The following GLI3 variants were observed in gnomAD, a reference collection of about 807,000 sequenced individuals.
GLI3 encodes GLI family zinc finger 3.
A neutral mutation model predicts 100.8 loss-of-function variants in GLI3; 20 were observed. The ratio of observed to expected loss-of-function variants is 0.20; its 90% CI spans 0.14 to 0.29. The LOEUF (loss-of-function observed/expected upper bound fraction) is 0.29. GLI3 is among the 10% of genes least tolerant of loss of function. The probability of loss-of-function intolerance (pLI) is 1.00; values close to 1 mark genes in which losing one functional copy is unlikely to be tolerated. For synonymous variants in GLI3, 938 were observed against 860.5 expected (o/e 1.09, Z -1.58); for missense variants, 2,040 against 2,128.5 (o/e 0.96, Z 0.82).
chr7:41,981,724 G>A (rs933571643), intron 10 of GLI3, among the ~76,000 whole-genome samples: 4 of 152,308 alleles, frequency 2.6e-5, no homozygotes, highest in East Asian at 1.9e-4. Flanking sequence ...GAGATTGGAC[G>A]TTTAAATTGG....
chr7:42,198,451 G>A lies in GLI3; in HGVS notation c.124+24679C>T, dbSNP rs1370024962. 2.6e-5 allele frequency among the ~76,000 whole-genome samples: 4 copies of A among 152,262 alleles called. No homozygotes were observed. The East Asian group carries it at 7.7e-4, about 29-fold the overall frequency. On this transcript the variant is annotated intron_variant, in intron 2 of 14. Transcript: ENST00000395925. ...TTTCCCAACTCCACTGCTTGCCTGA[G>A]GAGCCGTCCTGAGATCTCCGTTGCA... is the stretch of plus-strand genomic sequence containing the variant.
At chr7:42,171,660 G>C (rs1787375437) in intron 2 of GLI3, among the ~76,000 whole-genome samples, 1 of 152,204 alleles carries the variant, frequency 6.6e-6, no homozygotes, top group African/African-American at 2.4e-5. Flanking sequence ...AAGGCCCTGG[G>C]ACTTGCAGCT....
At chr7:42,039,979 G>A in intron 7 of GLI3, 59 bp downstream of exon 7, 1 of 1,277,728 alleles carries the variant, frequency 7.8e-7, no homozygotes, top group Non-Finnish European at 1.1e-6. Flanking sequence ...CACTACAGGT[G>A]CAAACAAGTG....
intron 2 of GLI3, among the ~76,000 whole-genome samples, chr7:42,182,314 G>A (rs988754459): frequency 4.0e-5 from 6 of 151,806 alleles, no homozygotes; most frequent in African/African-American, 9.7e-5. Flanking sequence ...ACCATGTTGC[G>A]CAGGACAGCT....
At chr7:42,157,706 G>C (rs967925993) in intron 2 of GLI3, among the ~76,000 whole-genome samples, 1 of 151,516 alleles carries the variant, frequency 6.6e-6, no homozygotes, top group African/African-American at 2.4e-5. Flanking sequence ...AAGCTGATTT[G>C]TTTGTCTTTT....
intron 10 of GLI3, among the ~76,000 whole-genome samples, chr7:42,017,781 C>T (rs550408560): frequency 2.0e-5 from 3 of 152,206 alleles, no homozygotes; most frequent in East Asian, 3.9e-4. Context: ...CCACAGAAAC[C>T]GACAGTGCCA....
At chr7:42,199,216 C>T (rs915915145) in intron 2 of GLI3, among the ~76,000 whole-genome samples, 4 of 152,186 alleles carry the variant, frequency 2.6e-5, no homozygotes, top group African/African-American at 9.7e-5. Context: ...AGCTGGGTTA[C>T]TAACATTTCT....
chr7:42,178,168 C>T (rs1787517799), intron 2 of GLI3, among the ~76,000 whole-genome samples: 1 of 152,202 alleles, frequency 6.6e-6, no homozygotes, highest in Non-Finnish European at 1.5e-5. Flanking sequence ...AACAAATGTC[C>T]ACACACTCAA....
intron 10 of GLI3, among the ~76,000 whole-genome samples, chr7:41,985,491 C>T (rs2128715510): frequency 6.6e-6 from 1 of 152,138 alleles, no homozygotes; most frequent in South Asian, 2.1e-4. Flanking sequence ...AAGCCTATTA[C>T]TCTTTAGGTA....
chr7:42,056,693 A>G (rs1583517109), intron 4 of GLI3, among the ~76,000 whole-genome samples: 1 of 151,940 alleles, frequency 6.6e-6, no homozygotes, highest in Non-Finnish European at 1.5e-5. Flanking sequence ...GCTCGTGCCT[A>G]TAATCCCAGC....
chr7:42,162,009 C>A (rs1787140348), intron 2 of GLI3, among the ~76,000 whole-genome samples: 1 of 152,206 alleles, frequency 6.6e-6, no homozygotes, highest in Non-Finnish European at 1.5e-5. Flanking sequence ...CCAGCATGAA[C>A]CCTGACCTTC....
intron 10 of GLI3, among the ~76,000 whole-genome samples, chr7:42,010,730 C>T (rs1356475042): frequency 1.3e-5 from 2 of 152,168 alleles, no homozygotes. Flanking sequence ...AAAGGCCAAA[C>T]CTTCCTTATA....
At chr7:42,097,366 G>T (rs1785362048) in intron 3 of GLI3, among the ~76,000 whole-genome samples, 1 of 152,236 alleles carries the variant, frequency 6.6e-6, no homozygotes, top group East Asian at 1.9e-4. Flanking sequence ...GGGGCAGGGG[G>T]CGGGAGATGT....
At position 42,133,481 on chromosome 7, in the gene GLI3, C is replaced by T. The variant is rs546232881; in HGVS notation, c.367+14745G>A. 7.9e-5 allele frequency among the ~76,000 whole-genome samples: 12 copies of T among 152,242 alleles called. No individual in the cohort carries two copies. The South Asian group carries it at 1.9e-3, about 24-fold the overall frequency. On this transcript the variant is annotated intron_variant, in intron 3 of 14. Coordinates refer to ENST00000395925, the MANE Select transcript of GLI3 (RefSeq NM_000168.6). ...CTAATTGCACCGAGTTCCCTCCAAA[C>T]ACTGGGATCAGGAAATTCACAGAAC...
intron 6 of GLI3, among the ~76,000 whole-genome samples, chr7:42,044,175 C>T (rs1784198668): frequency 6.6e-6 from 1 of 152,252 alleles, no homozygotes; most frequent in Admixed American, 6.5e-5. Context: ...GACATATGCT[C>T]GCCCTCTGTC....
At chr7:42,049,169 A>T (rs1784304571) in intron 4 of GLI3, among the ~76,000 whole-genome samples, 1 of 152,236 alleles carries the variant, frequency 6.6e-6, no homozygotes, top group African/African-American at 2.4e-5. Flanking sequence ...ACAGAATGAA[A>T]GAATACAATC....
At chr7:42,079,365 G>C (rs1436683298) in intron 3 of GLI3, among the ~76,000 whole-genome samples, 1 of 152,126 alleles carries the variant, frequency 6.6e-6, no homozygotes, top group African/African-American at 2.4e-5. Context: ...TCGTTTGAAA[G>C]CCTGACATAT....
At chr7:42,087,329 G>A (rs1382446439) in intron 3 of GLI3, among the ~76,000 whole-genome samples, 1 of 152,122 alleles carries the variant, frequency 6.6e-6, no homozygotes, top group Non-Finnish European at 1.5e-5. Flanking sequence ...AGTGAGCCCA[G>A]GGCCAAGGCC....
intron 12 of GLI3, among the ~76,000 whole-genome samples, chr7:41,977,232 C>A (rs533819936): frequency 3.5e-4 from 53 of 152,310 alleles, no homozygotes; most frequent in African/African-American, 1.2e-3. Flanking sequence ...TGGATTCCTG[C>A]TATTTTGGGC....
Sources: allele counts gnomAD v4.1 joint callset (sites outside exome capture counted in the v4.1 genomes callset), GRCh38; gene constraint gnomAD v4.1.1; transcripts MANE v1.5; gene names NCBI Gene and HGNC (gene_info 2026-07-23, HGNC 2026-07-21).